GIGYF2: variants seen among roughly 807,000 people sequenced by gnomAD.
GIGYF2 encodes GRB10-interacting GYF protein 2.
In GIGYF2, 25 loss-of-function variants were observed where a neutral mutation model predicts 208.1. The observed-to-expected ratio is 0.12, with a 90% CI of 0.09 to 0.17. GIGYF2 has a LOEUF of 0.17. Ranked by LOEUF, GIGYF2 falls within the 10% of genes least tolerant of loss-of-function variation. GIGYF2 has a pLI of 1.00. For missense variants in GIGYF2, 1,302 were observed against 1,579.4 expected, an observed-to-expected ratio of 0.82 and a Z score of 2.98; for synonymous variants, 534 against 543.8, an observed-to-expected ratio of 0.98 and a Z score of 0.25.
chr2:232,760,890 C>G (rs1486056394), intron 7 of GIGYF2, among the ~76,000 whole-genome samples: 1 of 151,436 alleles, frequency 6.6e-6, no homozygotes, highest in Non-Finnish European at 1.5e-5. Flanking sequence ...AGTATCTTCT[C>G]TCTATATTGT....
chr2:232,789,014 T>G (rs1699996387), intron 9 of GIGYF2, among the ~76,000 whole-genome samples: 1 of 152,228 alleles, frequency 6.6e-6, no homozygotes, highest in African/African-American at 2.4e-5. Flanking sequence ...ATGTTAACTC[T>G]TAACGTTTGT....
At chr2:232,811,041 T>C in intron 16 of GIGYF2, 1 of 531,738 alleles carries the variant, frequency 1.9e-6, no homozygotes, top group African/African-American at 1.9e-5. Context: ...AAACACGCCA[T>C]CTATGAGTTC....
chr2:232,785,133 A>G (rs1018873954), intron 8 of GIGYF2, among the ~76,000 whole-genome samples: 1 of 151,324 alleles, frequency 6.6e-6, no homozygotes, highest in African/African-American at 2.4e-5. Flanking sequence ...GTATTCCTTT[A>G]TAGCCATGCA....
chr2:232,818,859 G>A (rs1700990996), intron 20 of GIGYF2, among the ~76,000 whole-genome samples: 1 of 152,090 alleles, frequency 6.6e-6, no homozygotes, highest in African/African-American at 2.4e-5. Flanking sequence ...GGACATGAGG[G>A]TTGTTTCCAG....
At chr2:232,820,562 C>T (rs555185430) in intron 21 of GIGYF2, among the ~76,000 whole-genome samples, 1 of 152,072 alleles carries the variant, frequency 6.6e-6, no homozygotes, top group African/African-American at 2.4e-5. Context: ...GATCCACCCG[C>T]CTCGGCCTCC....
chr2:232,812,331 C>CTTT (rs76864273), intron 17 of GIGYF2, 60 bp from the exon 18 acceptor site: 19 of 701,660 alleles, frequency 2.7e-5, no homozygotes, highest in African/African-American at 1.3e-4. Context: ...TCCTCTTCAT[C>CTTT]TTTTTTTTTT....
rs1267851498 is a variant in GIGYF2, at chr2:232,856,703, AACACAGACTT to A, written c.3833-86_3833-77del. ...TGAAACCCTGTCTCACAAACAAACA[AACACAGACTT>A]ACATTCCAGCTCACCGCCTAGAATT... is the stretch of plus-strand genomic sequence containing the variant. On this transcript the variant is annotated intron_variant, in intron 28 of 28. Coordinates refer to ENST00000373563, the MANE Select transcript of GIGYF2 (RefSeq NM_001103146.3). 3 of 858,770 alleles carry A rather than the reference AACACAGACTT, an allele frequency of 3.5e-6. No individual in the cohort carries two copies. The African/African-American group carries it at 4.9e-5, about 14-fold the overall frequency. The allele number at this position is 858,770 out of a possible 1,614,324, so 53.2% of individuals were successfully genotyped here.
intron 14 of GIGYF2, among the ~76,000 whole-genome samples, chr2:232,805,552 C>A (rs1700535453): frequency 1.3e-5 from 2 of 152,156 alleles, no homozygotes; most frequent in African/African-American, 4.8e-5. Context: ...TCTCCTCAGT[C>A]TGCCTACTTT....
intron 9 of GIGYF2, chr2:232,788,653 A>C (rs1699987225): frequency 4.5e-6 from 2 of 444,430 alleles, no homozygotes; most frequent in Non-Finnish European, 9.5e-6. Context: ...GATTCTATTA[A>C]AGGGAGTTTA....
intron 8 of GIGYF2, among the ~76,000 whole-genome samples, chr2:232,770,532 G>C (rs1349230864): frequency 2.0e-5 from 3 of 151,844 alleles, no homozygotes; most frequent in African/African-American, 7.3e-5. Flanking sequence ...TGTCAAAATA[G>C]GTATTGAATG....
At chr2:232,729,561 CA>C (rs1206777410) in intron 2 of GIGYF2, 5 of 1,405,348 alleles carry the variant, frequency 3.6e-6, no homozygotes, top group Non-Finnish European at 4.9e-6. Flanking sequence ...ATGGACTGCA[CA>C]TAGTCTTCAA....
chr2:232,830,892 C>T (rs1255879464), intron 21 of GIGYF2, among the ~76,000 whole-genome samples: 1 of 151,928 alleles, frequency 6.6e-6, no homozygotes, highest in Non-Finnish European at 1.5e-5. Flanking sequence ...CTCTTTAGGC[C>T]CTTCTTGGCT....
chr2:232,835,720 C>T (rs891366575), intron 22 of GIGYF2, among the ~76,000 whole-genome samples: 1 of 152,134 alleles, frequency 6.6e-6, no homozygotes, highest in Admixed American at 6.5e-5. Context: ...TGCTCTTGCC[C>T]ATGTTGGGGA....
At chr2:232,699,531 A>C (rs1695750892) in intron 1 of GIGYF2, among the ~76,000 whole-genome samples, 1 of 152,202 alleles carries the variant, frequency 6.6e-6, no homozygotes, top group African/African-American at 2.4e-5. Flanking sequence ...AAAATTTAGG[A>C]TGCTCAGTAT....
intron 2 of GIGYF2, among the ~76,000 whole-genome samples, chr2:232,719,338 C>G (rs761774145): frequency 1.3e-5 from 2 of 152,112 alleles, no homozygotes; most frequent in African/African-American, 4.8e-5. Context: ...CTTCTCCTTG[C>G]TGATTTTACC....
In GIGYF2 at chr2:232,836,338, ATACTTATATATTT is replaced by A. The variant is rs1559160808; in HGVS notation, c.2766+3246_2766+3258del. 7.8e-3 allele frequency among the ~76,000 whole-genome samples: 423 copies of A among 54,192 alleles called. 17 individuals are homozygous for A. The highest frequency in any genetic ancestry group is 0.021 in the African/African-American group (300 of 14,138). The allele number at this position is 54,192 out of a possible 152,430, so 35.6% of individuals were successfully genotyped here. On this transcript the variant is annotated intron_variant, in intron 22 of 28. Coordinates refer to ENST00000373563, the MANE Select transcript of GIGYF2 (RefSeq NM_001103146.3). ...TATATATATATATATATACATATAT[ATACTTATATATTT>A]ATATATATAAATATAAATATATATA...
At chr2:232,848,651 G>A (rs1222159908) in intron 27 of GIGYF2, among the ~76,000 whole-genome samples, 1 of 149,212 alleles carries the variant, frequency 6.7e-6, no homozygotes, top group Admixed American at 6.7e-5. Flanking sequence ...CAAACAAAAA[G>A]TGAAATCATT....
intron 2 of GIGYF2, among the ~76,000 whole-genome samples, chr2:232,723,224 C>T (rs1211947488): frequency 2.0e-5 from 3 of 152,102 alleles, no homozygotes; most frequent in African/African-American, 7.2e-5. Context: ...TAGATAGGAG[C>T]AGTTTTTGTT....
intron 2 of GIGYF2, among the ~76,000 whole-genome samples, chr2:232,723,364 A>T (rs1189667238): frequency 1.3e-5 from 2 of 152,088 alleles, no homozygotes; most frequent in Admixed American, 1.3e-4. Flanking sequence ...TATATCTAAA[A>T]TAAAAAAATG....
Sources: gnomAD v4.1 joint callset for allele counts (sites outside exome capture counted in the v4.1 genomes callset) on GRCh38, gnomAD v4.1.1 for gene constraint, MANE v1.5 for transcripts, NCBI Gene and HGNC (gene_info 2026-07-23, HGNC 2026-07-21) for gene names.